The following ASAP1 variants were observed in gnomAD, a reference collection of about 807,000 sequenced individuals.
The protein encoded by ASAP1 is arf-GAP with SH3 domain, ANK repeat and PH domain-containing protein 1.
A neutral mutation model predicts 145.2 loss-of-function variants in ASAP1; 43 were observed. That is an observed-to-expected ratio of 0.30 (90% CI 0.23 to 0.38). The LOEUF (loss-of-function observed/expected upper bound fraction) is 0.38, where lower values mean the gene tolerates loss of function less well. Among genes scored for constraint, ASAP1 ranks in the 10% least tolerant of loss-of-function variants. The pLI is 1.00. For missense variants in ASAP1, 1,018 were observed against 1,355.3 expected (o/e 0.75, Z 3.91); for synonymous variants, 546 against 515.5 (o/e 1.06, Z -0.80).
intron 24 of ASAP1, among the ~76,000 whole-genome samples, chr8:130,100,769 T>C (rs1200607335): frequency 6.6e-6 from 1 of 152,248 alleles, no homozygotes; most frequent in African/African-American, 2.4e-5. Flanking sequence ...AGTTTGCAGA[T>C]AGTTTCTGCA....
chr8:130,299,038 C>T (rs1266833746), intron 3 of ASAP1, among the ~76,000 whole-genome samples: 3 of 152,108 alleles, frequency 2.0e-5, no homozygotes, highest in Non-Finnish European at 4.4e-5. Context: ...AAATGAATGG[C>T]CTCTTACCTA....
In ASAP1 at chr8:130,303,694, CTGACTA is replaced by C. The variant is rs529123470; in HGVS notation, c.186+54317_186+54322del. 4.7e-4 allele frequency among the ~76,000 whole-genome samples: 71 copies of C among 152,176 alleles called. 2 individuals are homozygous for C. In the South Asian group the frequency reaches 0.014, roughly 29 times the overall value. ...AGGCTACATACTTTACTTTATGACT[CTGACTA>C]TATGACATTCTGAAAAAGGCAAAAC... is the stretch of plus-strand genomic sequence containing the variant. On this transcript the variant is annotated intron_variant, in intron 3 of 29. Transcript: ENST00000518721.
At chr8:130,263,728 C>G (rs985628439) in intron 3 of ASAP1, among the ~76,000 whole-genome samples, 1 of 152,222 alleles carries the variant, frequency 6.6e-6, no homozygotes, top group African/African-American at 2.4e-5. Context: ...CAATGTCTTG[C>G]TCTACATCCT....
At chr8:130,236,657 G>T (rs1481229100) in intron 4 of ASAP1, among the ~76,000 whole-genome samples, 1 of 152,110 alleles carries the variant, frequency 6.6e-6, no homozygotes, top group East Asian at 1.9e-4. Context: ...CATGTTACTT[G>T]TGACAAATTT....
intron 3 of ASAP1, among the ~76,000 whole-genome samples, chr8:130,287,053 G>GCCT (rs1428243035): frequency 6.6e-6 from 1 of 152,166 alleles, no homozygotes; most frequent in East Asian, 1.9e-4. Context: ...GCTCAGAGAG[G>GCCT]AGCAGTTAGA....
At chr8:130,134,385 G>T in intron 14 of ASAP1, 41 bp from the exon 15 acceptor site, 1 of 1,357,398 alleles carries the variant, frequency 7.4e-7, no homozygotes, top group Non-Finnish European at 1.0e-6. Context: ...ACCTTAGAAA[G>T]CAGGGTACTT....
At chr8:130,189,764 T>A (rs1211287935) in intron 5 of ASAP1, among the ~76,000 whole-genome samples, 3 of 152,224 alleles carry the variant, frequency 2.0e-5, no homozygotes, top group Non-Finnish European at 4.4e-5. Flanking sequence ...CTAATTTATA[T>A]TACCACCAAC....
chr8:130,306,039 T>A (rs770713115), intron 3 of ASAP1, among the ~76,000 whole-genome samples: 3 of 152,226 alleles, frequency 2.0e-5, no homozygotes, highest in Non-Finnish European at 4.4e-5. Context: ...TTAACTAGGA[T>A]TCTGGGATCA....
intron 2 of ASAP1, among the ~76,000 whole-genome samples, chr8:130,368,469 G>A (rs1205300407): frequency 6.6e-6 from 1 of 152,106 alleles, no homozygotes; most frequent in Non-Finnish European, 1.5e-5. Context: ...ACTCCTCCCT[G>A]ACTCCAGGTA....
intron 2 of ASAP1, among the ~76,000 whole-genome samples, chr8:130,372,537 T>A (rs1827258481): frequency 6.6e-6 from 1 of 152,272 alleles, no homozygotes; most frequent in African/African-American, 2.4e-5. Context: ...GATACAGTAC[T>A]GTTTGGTAAA....
intron 3 of ASAP1, among the ~76,000 whole-genome samples, chr8:130,256,192 C>T (rs973620909): frequency 1.3e-5 from 2 of 152,104 alleles, no homozygotes; most frequent in Admixed American, 6.6e-5. Flanking sequence ...TCTTCCTGTT[C>T]GCAAGAGTTG....
chr8:130,061,702 T>C (rs1296483074), intron 27 of ASAP1, among the ~76,000 whole-genome samples: 1 of 152,232 alleles, frequency 6.6e-6, no homozygotes, highest in Admixed American at 6.5e-5. Flanking sequence ...CACACGCGTG[T>C]GCTATGTCTT....
intron 4 of ASAP1, among the ~76,000 whole-genome samples, chr8:130,220,332 T>C (rs1817214398): frequency 6.6e-6 from 1 of 152,202 alleles, no homozygotes; most frequent in African/African-American, 2.4e-5. Flanking sequence ...TGACTAAATG[T>C]TATTGTATTA....
chr8:130,163,540 C>CTATGAATGAGTT (rs1450115615), intron 11 of ASAP1, among the ~76,000 whole-genome samples: 1 of 152,206 alleles, frequency 6.6e-6, no homozygotes, highest in Non-Finnish European at 1.5e-5. Flanking sequence ...CCTAAATTAA[C>CTATGAATGAGTT]TATGAATGAG....
chr8:130,182,983 A>T (rs1814472101), intron 7 of ASAP1, among the ~76,000 whole-genome samples: 1 of 151,868 alleles, frequency 6.6e-6, no homozygotes, highest in Admixed American at 6.6e-5. Context: ...AGAGAAGAAA[A>T]TTTTAAGAAC....
In ASAP1 at chr8:130,118,496, G is replaced by T. The variant is rs1452621577; in HGVS notation, c.1787C>A (p.Pro596His). The T allele has an allele frequency of 6.2e-7, 1 of 1,605,914 alleles. No individual in the cohort carries two copies. The highest frequency in any genetic ancestry group is 1.1e-5 in the South Asian group (1 of 89,762). ...GVELMEPLLE[P>H]GQELGETALH... ...ATTTTAGTGAGGCCTTACCTGCCCA[G>T]GTTCCAGCAGTGGTTCCATTAGCTC... is the stretch of plus-strand genomic sequence containing the variant. The change falls in exon 19 of 30, where the codon CCT becomes CAT. Residue 596 changes from proline (P) to histidine (H), a missense_variant. Transcript: ENST00000518721.
intron 7 of ASAP1, among the ~76,000 whole-genome samples, chr8:130,186,275 A>G (rs973893502): frequency 2.0e-5 from 3 of 152,228 alleles, no homozygotes; most frequent in African/African-American, 7.2e-5. Flanking sequence ...TTCCTAAGAC[A>G]GCAAGTCCCT....
At chr8:130,271,511 C>T (rs571567433) in intron 3 of ASAP1, among the ~76,000 whole-genome samples, 1 of 152,326 alleles carries the variant, frequency 6.6e-6, no homozygotes, top group African/African-American at 2.4e-5. Context: ...TCTTCCATTT[C>T]TACATGTACC....
chr8:130,256,088 T>C (rs78149993), intron 3 of ASAP1, among the ~76,000 whole-genome samples: 5,224 of 152,244 alleles, frequency 0.034, 105 homozygotes, highest in Middle Eastern at 0.071. Context: ...CGATTCAATA[T>C]TAACTTGAGG....
Sources: gnomAD v4.1 joint callset for allele counts (sites outside exome capture counted in the v4.1 genomes callset) on GRCh38, gnomAD v4.1.1 for gene constraint, MANE v1.5 for transcripts, NCBI Gene and HGNC (gene_info 2026-07-23, HGNC 2026-07-21) for gene names.